The following CLASP2 variants were observed in gnomAD, a reference collection of about 807,000 sequenced individuals.
The protein encoded by CLASP2 is CLIP-associating protein 2.
In CLASP2, 47 loss-of-function variants were observed where a neutral mutation model predicts 194.4. The ratio of observed to expected loss-of-function variants is 0.24; its 90% CI spans 0.19 to 0.31. The LOEUF (loss-of-function observed/expected upper bound fraction) is 0.31. CLASP2 is among the 10% of genes least tolerant of loss of function. CLASP2 has a pLI of 1.00. For missense variants in CLASP2, 1,445 were observed against 1,823.6 expected (o/e 0.79, Z 3.78); for synonymous variants, 619 against 633.5 (o/e 0.98, Z 0.34).
intron 1 of CLASP2, among the ~76,000 whole-genome samples, chr3:33,704,039 A>T (rs1209269448): frequency 6.6e-6 from 1 of 152,234 alleles, no homozygotes; most frequent in Non-Finnish European, 1.5e-5. Flanking sequence ...GGAAAAGGCA[A>T]AACTATGGAG....
At chr3:33,641,096 T>C (rs948644741) in intron 8 of CLASP2, among the ~76,000 whole-genome samples, 1 of 152,022 alleles carries the variant, frequency 6.6e-6, no homozygotes, top group Non-Finnish European at 1.5e-5. Context: ...TGCTCATCAG[T>C]AAAATCAGTT....
At chr3:33,556,482 C>A (rs987067296) in intron 29 of CLASP2, among the ~76,000 whole-genome samples, 4 of 150,904 alleles carry the variant, frequency 2.7e-5, no homozygotes, top group African/African-American at 4.9e-5. Context: ...GTCATCCAGG[C>A]TAGAGGGCAG....
In CLASP2 at chr3:33,618,323, A is replaced by C. The variant is rs1026821531; in HGVS notation, c.1317+1280T>G. Among the ~76,000 whole-genome samples the C allele has an allele frequency of 2.0e-5, 3 of 152,224 alleles. No homozygotes were observed. In the East Asian group the frequency reaches 5.8e-4, roughly 29 times the overall value. ...TTAAAAAGAATTACACATATGGATA[A>C]GGGATGTTGCCCAAGTACATGAAGT... On this transcript the variant is annotated intron_variant, in intron 12 of 38. Coordinates refer to ENST00000682230, the MANE Select transcript of CLASP2 (RefSeq NM_001365631.1).
intron 7 of CLASP2, among the ~76,000 whole-genome samples, chr3:33,651,902 G>T (rs2083285113): frequency 6.6e-6 from 1 of 151,980 alleles, no homozygotes; most frequent in Non-Finnish European, 1.5e-5. Context: ...CAGGTGATCT[G>T]CCCTTCTTGG....
chr3:33,576,351 C>A, intron 23 of CLASP2, 76 bp from the exon 24 acceptor site: 1 of 1,106,950 alleles, frequency 9.0e-7, no homozygotes, highest in East Asian at 2.5e-5. Context: ...AACTTTAAGA[C>A]CTTTACAGGG....
At chr3:33,655,532 T>C (rs1277335266) in intron 7 of CLASP2, among the ~76,000 whole-genome samples, 1 of 152,140 alleles carries the variant, frequency 6.6e-6, no homozygotes, top group Non-Finnish European at 1.5e-5. Flanking sequence ...TAATTTACTT[T>C]TTCACCTTAT....
chr3:33,612,221 A>G lies in CLASP2; in HGVS notation c.1318-150T>C, dbSNP rs1003672644. The stretch of plus-strand genomic sequence containing the variant: ...TGAAAGAAATTAAGACCAGTCTTGA[A>G]AAGTTTTCCTGAATTAATGTAATGT... On this transcript the variant is annotated intron_variant, in intron 12 of 38. Coordinates refer to ENST00000682230, the MANE Select transcript of CLASP2 (RefSeq NM_001365631.1). The G allele has an allele frequency of 2.7e-5, 16 of 602,520 alleles. No individual in the cohort carries two copies. The Admixed American group carries it at 4.4e-4, about 17-fold the overall frequency. 37.3% of individuals were successfully genotyped at this position (602,520 alleles called of 1,614,324 possible).
At chr3:33,703,160 G>A (rs2092481823) in intron 1 of CLASP2, among the ~76,000 whole-genome samples, 1 of 151,998 alleles carries the variant, frequency 6.6e-6, no homozygotes, top group South Asian at 2.1e-4. Flanking sequence ...CTACAGAATG[G>A]GAAAACAAAC....
intron 7 of CLASP2, chr3:33,645,637 G>T (rs1014722991): frequency 1.4e-5 from 4 of 277,042 alleles, no homozygotes; most frequent in South Asian, 1.4e-4. Flanking sequence ...AAAACTAAAG[G>T]CTTAGAAATC....
chr3:33,544,616 G>A, intron 31 of CLASP2, 82 bp downstream of exon 31: 2 of 1,297,870 alleles, frequency 1.5e-6, no homozygotes, highest in Non-Finnish European at 2.1e-6. Flanking sequence ...TAAGGATCAA[G>A]TTTACTTCGT....
intron 9 of CLASP2, among the ~76,000 whole-genome samples, chr3:33,629,397 GC>G: frequency 6.6e-6 from 1 of 152,270 alleles, no homozygotes; most frequent in East Asian, 1.9e-4. Context: ...TGTTTCTGGA[GC>G]AACAGGACAG....
At chr3:33,688,599 A>G (rs998733831) in intron 3 of CLASP2, among the ~76,000 whole-genome samples, 1 of 152,152 alleles carries the variant, frequency 6.6e-6, no homozygotes, top group African/African-American at 2.4e-5. Flanking sequence ...TTCACTTTAG[A>G]TTTTGATATT....
rs1429946321 is a variant in CLASP2, at chr3:33,584,797, C to T, written c.2192G>A (p.Arg731Gln). The T allele has an allele frequency of 2.5e-6, 4 of 1,613,336 alleles. No homozygotes were observed. The highest frequency in any genetic ancestry group is 1.3e-5 in the African/African-American group (1 of 74,776). Reference sequence around the variant, plus strand: ...AGCCTCTCTGCTACAGCCCTGGCTCCGTGGTATCTTGCTTCTTTTTTGTGC... The same window carrying T: ...AGCCTCTCTGCTACAGCCCTGGCTCTGTGGTATCTTGCTTCTTTTTTGTGC... ...ASAQKRSKIPRSQGCSREASP... is the reference protein window; with the variant it reads ...ASAQKRSKIPQSQGCSREASP... Residue 731 changes from arginine to glutamine, a missense_variant, in exon 22 of 39, where the codon CGG (arginine) becomes CAG (glutamine). Physicochemically the swap from Arg to Gln is conservative, Grantham distance 43. Coordinates refer to ENST00000682230, the MANE Select transcript of CLASP2 (RefSeq NM_001365631.1).
intron 1 of CLASP2, among the ~76,000 whole-genome samples, chr3:33,700,190 T>C (rs2092274841): frequency 3.3e-5 from 5 of 152,162 alleles, no homozygotes; most frequent in Admixed American, 2.6e-4. Context: ...CCCAGCACTT[T>C]GGAAGGCAGG....
intron 6 of CLASP2, among the ~76,000 whole-genome samples, chr3:33,672,112 G>A (rs1183295496): frequency 6.6e-6 from 1 of 152,214 alleles, no homozygotes; most frequent in Non-Finnish European, 1.5e-5. Flanking sequence ...GCAGGCAGCT[G>A]GAGATCTGAG....
chr3:33,684,249 A>C (rs897997823), intron 6 of CLASP2, 110 bp downstream of exon 6: 2 of 585,662 alleles, frequency 3.4e-6, no homozygotes, highest in Non-Finnish European at 5.5e-6. Flanking sequence ...CCATCTCAAA[A>C]AAATAAATAA....
At chr3:33,509,293 C>CGCCA (rs1412346539) in intron 37 of CLASP2, among the ~76,000 whole-genome samples, 17 of 152,246 alleles carry the variant, frequency 1.1e-4, no homozygotes, top group Non-Finnish European at 7.4e-5. Context: ...CTTGGCTCAC[C>CGCCA]GCCAACTCCA....
At chr3:33,644,507 C>A in intron 8 of CLASP2, 1 of 394,582 alleles carries the variant, frequency 2.5e-6, no homozygotes, top group East Asian at 6.0e-5. Flanking sequence ...AAATCTTTTT[C>A]AAAATGGCAT....
At chr3:33,604,303 A>G in intron 16 of CLASP2, 94 bp from the exon 17 acceptor site, 1 of 833,794 alleles carries the variant, frequency 1.2e-6, no homozygotes, top group Middle Eastern at 2.8e-4. Context: ...TGGAAAGTTG[A>G]GAAGTATTTC....
Sources: gnomAD v4.1 joint callset for allele counts (sites outside exome capture counted in the v4.1 genomes callset) on GRCh38, gnomAD v4.1.1 for gene constraint, MANE v1.5 for transcripts, NCBI Gene and HGNC (gene_info 2026-07-23, HGNC 2026-07-21) for gene names.